The following ABCA9 variants were observed in gnomAD, a reference collection of about 807,000 sequenced individuals.
ABCA9 encodes the protein ATP binding cassette subfamily A member 9, also known as ATP-binding cassette sub-family A member 9.
Under a neutral mutation model 205.3 loss-of-function variants are expected in ABCA9, and 183 were observed. The ratio of observed to expected loss-of-function variants is 0.89; its 90% CI spans 0.79 to 1.01. ABCA9 has a LOEUF of 1.01. Among genes scored for constraint, ABCA9 ranks in the 50% least tolerant of loss-of-function variants. ABCA9 has a pLI of 0.00. For synonymous variants in ABCA9, 651 were observed against 683.3 expected, an observed-to-expected ratio of 0.95 and a Z score of 0.74; for missense variants, 1,805 against 1,912.4, an observed-to-expected ratio of 0.94 and a Z score of 1.05.
chr17:69,011,224 AT>A (rs1402836525), intron 23 of ABCA9, among the ~76,000 whole-genome samples: 1 of 152,160 alleles, frequency 6.6e-6, no homozygotes, highest in Non-Finnish European at 1.5e-5. Context: ...AACTTTTGAG[AT>A]TCATGCAGCT....
At chr17:69,026,256 C>T (rs2070979829) in intron 16 of ABCA9, 121 bp downstream of exon 16, 3 of 732,186 alleles carry the variant, frequency 4.1e-6, no homozygotes, top group Non-Finnish European at 2.3e-6. Flanking sequence ...TTAGTTCTAC[C>T]ATAGCTCCCT....
chr17:69,031,749 AG>A (rs2071157230), intron 10 of ABCA9, among the ~76,000 whole-genome samples: 1 of 152,220 alleles, frequency 6.6e-6, no homozygotes, highest in Non-Finnish European at 1.5e-5. Flanking sequence ...TTAATAAAAA[AG>A]GGGGTTGAGA....
chr17:68,979,633 A>G (rs1050950460), intron 37 of ABCA9, among the ~76,000 whole-genome samples: 5 of 152,010 alleles, frequency 3.3e-5, no homozygotes, highest in African/African-American at 1.2e-4. Flanking sequence ...AATGCCACAT[A>G]TCTACAACTA....
chr17:68,986,411 C>T, intron 31 of ABCA9, 87 bp from the exon 32 acceptor site: 1 of 1,301,330 alleles, frequency 7.7e-7, no homozygotes, highest in Non-Finnish European at 1.0e-6. Flanking sequence ...AGATGCCCTT[C>T]TCTTCACACA....
intron 34 of ABCA9, among the ~76,000 whole-genome samples, chr17:68,984,393 TAA>T (rs2069163284): frequency 6.6e-6 from 1 of 152,146 alleles, no homozygotes; most frequent in Admixed American, 6.5e-5. Flanking sequence ...ATGCTGTTTA[TAA>T]AAATACTAAG....
At position 69,026,260 on chromosome 17, in the gene ABCA9, G is replaced by A. The variant is rs1012705768; in HGVS notation, c.2141+117C>T. Reference sequence around the variant, plus strand: ...GCAATTATGCCTTAGTTCTACCATAGCTCCCTTGAAATGAACTTAGTGGTT... The same window carrying A: ...GCAATTATGCCTTAGTTCTACCATAACTCCCTTGAAATGAACTTAGTGGTT... On this transcript the variant is annotated intron_variant, in intron 16 of 38. Coordinates refer to ENST00000340001, the MANE Select transcript of ABCA9 (RefSeq NM_080283.4). 5.4e-6 allele frequency: 4 copies of A among 745,224 alleles called. No individual in the cohort carries two copies. In the Admixed American group the frequency reaches 9.6e-5, roughly 18 times the overall value. The allele number at this position is 745,224 out of a possible 1,614,324, so 46.2% of individuals were successfully genotyped here.
At chr17:69,000,777 T>A (rs1043501712) in intron 25 of ABCA9, among the ~76,000 whole-genome samples, 1 of 150,540 alleles carries the variant, frequency 6.6e-6, no homozygotes, top group Non-Finnish European at 1.5e-5. Context: ...TGTTCTTCCA[T>A]TTGTATCCTC....
chr17:69,028,481 A>G, intron 12 of ABCA9, 54 bp downstream of exon 12: 1 of 1,246,264 alleles, frequency 8.0e-7, no homozygotes, highest in Non-Finnish European at 1.1e-6. Context: ...AAATAATTAA[A>G]TGCATATTAA....
intron 1 of ABCA9, among the ~76,000 whole-genome samples, chr17:69,059,733 C>T (rs959149274): frequency 1.3e-5 from 2 of 151,618 alleles, no homozygotes; most frequent in South Asian, 2.1e-4. Flanking sequence ...GGAAGGAGTC[C>T]GAGAGCCTGA....
At chr17:69,041,235 T>C (rs2071522876) in intron 6 of ABCA9, among the ~76,000 whole-genome samples, 1 of 152,160 alleles carries the variant, frequency 6.6e-6, no homozygotes, top group African/African-American at 2.4e-5. Context: ...TCATCTGAAA[T>C]TGTTCATCTA....
chr17:69,027,565 T>C, intron 13 of ABCA9, 75 bp downstream of exon 13: 7 of 1,568,452 alleles, frequency 4.5e-6, no homozygotes, highest in Non-Finnish European at 6.1e-6. Context: ...AGGAATTATG[T>C]ATAACTTAGC....
At chr17:69,033,656 C>T (rs778889942) in intron 9 of ABCA9, 70 bp downstream of exon 9, 104 of 1,290,850 alleles carry the variant, frequency 8.1e-5, no homozygotes, top group East Asian at 2.6e-4. Flanking sequence ...TTATTTAGTA[C>T]ATTGTAGAGT....
In ABCA9 at chr17:68,989,268, A is replaced by T. The variant is rs879705011; in HGVS notation, c.3956-150T>A. ...CTCTCTCTCTCTCTCACACACACAC[A>T]CACACACACACACACACACACACAC... On this transcript the variant is annotated intron_variant, in intron 30 of 38. Coordinates refer to ENST00000340001, the MANE Select transcript of ABCA9 (RefSeq NM_080283.4). 2,685 of 495,556 alleles carry T rather than the reference A, an allele frequency of 5.4e-3. 32 individuals are homozygous for T. The highest frequency in any genetic ancestry group is 0.031 in the African/African-American group (1,576 of 50,426). 30.7% of individuals were successfully genotyped at this position (495,556 alleles called of 1,614,324 possible).
intron 34 of ABCA9, 134 bp from the exon 35 acceptor site, chr17:68,984,309 G>A: frequency 8.2e-7 from 1 of 1,218,592 alleles, no homozygotes. Flanking sequence ...GGTGTGTGTA[G>A]GGATGACAGG....
Position 69,007,846 on chromosome 17 carries a change from TGA to T in ABCA9, c.3346_3347del (p.Ser1116IlefsTer20). ...IQILCSIGYV[S>X]SLVFLTYVIS... is the part of the protein sequence containing the mutation. ...TCACATATGTCAAGAAAACAAGAGA[TGA>T]GACATAGCCAATACTACACAGGATC... is the stretch of plus-strand genomic sequence containing the variant. On this transcript the variant is annotated frameshift_variant, in exon 25 of 39. Coordinates refer to ENST00000340001, the MANE Select transcript of ABCA9 (RefSeq NM_080283.4). LOFTEE classifies it high-confidence loss of function. The T allele has an allele frequency of 6.2e-7, 1 of 1,608,272 alleles. No individual in the cohort carries two copies. The highest frequency in any genetic ancestry group is 8.5e-7 in the Non-Finnish European group (1 of 1,175,348).
At chr17:69,001,365 T>G (rs1437291607) in intron 25 of ABCA9, among the ~76,000 whole-genome samples, 2 of 151,994 alleles carry the variant, frequency 1.3e-5, no homozygotes, top group Admixed American at 1.3e-4. Flanking sequence ...TCTGCATCTA[T>G]TGAGATAATC....
At chr17:68,999,809 G>A (rs1185375403) in intron 25 of ABCA9, among the ~76,000 whole-genome samples, 3 of 151,548 alleles carry the variant, frequency 2.0e-5, no homozygotes, top group African/African-American at 2.4e-5. Flanking sequence ...ACTTTTTAAT[G>A]ATTGCCATTC....
Position 69,044,579 on chromosome 17 carries a change from T to C in ABCA9, c.491A>G (p.Glu164Gly), listed in dbSNP as rs748804125. 2 of 1,613,030 alleles carry C rather than the reference T, an allele frequency of 1.2e-6. No homozygotes were observed. The highest frequency in any genetic ancestry group is 2.2e-5 in the South Asian group (2 of 91,058). The change falls in exon 5 of 39, where the codon GAA (glutamate) becomes GGA (glycine). Residue 164 changes from glutamate (E) to glycine (G), a missense_variant. Coordinates refer to ENST00000340001, the MANE Select transcript of ABCA9 (RefSeq NM_080283.4). ...DHSAHCQAVN[E>G]KMKCEGSEFW... ...CTCTGAACCTTCACACTTCATTTTT[T>C]CATTCACTGCTTGACAGTGAGCTTT... is the stretch of plus-strand genomic sequence containing the variant.
Position 68,984,982 on chromosome 17 carries a change from G to A in ABCA9, c.4285-3C>T. 1.2e-6 allele frequency: 2 copies of A among 1,614,176 alleles called. No individual in the cohort carries two copies. On this transcript the variant is annotated splice_polypyrimidine_tract_variant and splice_region_variant and intron_variant, in intron 33 of 38. Coordinates refer to ENST00000340001, the MANE Select transcript of ABCA9 (RefSeq NM_080283.4). The stretch of plus-strand genomic sequence containing the variant: ...AGGATGCTCAGCACAAAGCACAGCT[G>A]CAACGGGAGGAACAGCCCCTCTGGT...
Sources: gnomAD v4.1 joint callset for allele counts (sites outside exome capture counted in the v4.1 genomes callset) on GRCh38, gnomAD v4.1.1 for gene constraint, MANE v1.5 for transcripts, NCBI Gene and HGNC (gene_info 2026-07-23, HGNC 2026-07-21) for gene names.